Variants in CLEC16A observed in about 807,000 individuals in gnomAD.
CLEC16A encodes protein CLEC16A.
Under a neutral mutation model 109.5 loss-of-function variants are expected in CLEC16A, and 51 were observed. The observed-to-expected ratio is 0.47, with a 90% CI of 0.37 to 0.59. CLEC16A has a LOEUF of 0.59. Ranked by LOEUF, CLEC16A falls within the 20% of genes least tolerant of loss-of-function variation. The probability of loss-of-function intolerance (pLI) is 0.00; values close to 1 mark genes in which losing one functional copy is unlikely to be tolerated. For synonymous variants in CLEC16A, 673 were observed against 564.2 expected, an observed-to-expected ratio of 1.19 and a Z score of -2.73; for missense variants, 1,339 against 1,394.0, an observed-to-expected ratio of 0.96 and a Z score of 0.63.
At chr16:11,071,762 T>TTG (rs2049086733) in intron 19 of CLEC16A, among the ~76,000 whole-genome samples, 3 of 146,992 alleles carry the variant, frequency 2.0e-5, no homozygotes, top group African/African-American at 7.6e-5. Context: ...GATTTTTTTT[T>TTG]TTTTTTTTTT....
intron 8 of CLEC16A, 98 bp downstream of exon 8, chr16:10,977,497 G>A (rs2043085686): frequency 3.6e-6 from 4 of 1,109,270 alleles, no homozygotes; most frequent in Non-Finnish European, 5.1e-6. Context: ...TTGCAAATCA[G>A]GACTGAGGTT....
At chr16:11,035,471 G>A (rs1165473180) in intron 13 of CLEC16A, among the ~76,000 whole-genome samples, 1 of 152,220 alleles carries the variant, frequency 6.6e-6, no homozygotes, top group Admixed American at 6.5e-5. Flanking sequence ...GAGGGAAAGA[G>A]CGTTAACCAG....
At chr16:11,010,875 CT>C (rs1457036863) in intron 11 of CLEC16A, among the ~76,000 whole-genome samples, 4 of 152,138 alleles carry the variant, frequency 2.6e-5, no homozygotes, top group African/African-American at 9.7e-5. Context: ...GAACCTCCTC[CT>C]TTTTTTGTTC....
At chr16:11,078,908 A>G (rs2049543607) in intron 19 of CLEC16A, among the ~76,000 whole-genome samples, 1 of 152,180 alleles carries the variant, frequency 6.6e-6, no homozygotes, top group Non-Finnish European at 1.5e-5. Flanking sequence ...ACTTTCCTGC[A>G]TCCGTGTAGT....
chr16:10,991,982 G>A (rs2044044819), intron 10 of CLEC16A, among the ~76,000 whole-genome samples: 1 of 152,210 alleles, frequency 6.6e-6, no homozygotes, highest in Admixed American at 6.5e-5. Context: ...ATGAGTGGGA[G>A]TTTCCCTAGA....
chr16:10,978,416 C>T (rs2043137100), intron 8 of CLEC16A, among the ~76,000 whole-genome samples: 1 of 152,196 alleles, frequency 6.6e-6, no homozygotes. Flanking sequence ...TCAAGATTCT[C>T]ACTACAGATG....
At chr16:11,137,064 C>T (rs1008167621) in intron 22 of CLEC16A, among the ~76,000 whole-genome samples, 2 of 152,184 alleles carry the variant, frequency 1.3e-5, no homozygotes, top group Non-Finnish European at 2.9e-5. Flanking sequence ...TATTCTACTC[C>T]ATCGTGTGAA....
chr16:10,992,184 C>T (rs763092692), intron 10 of CLEC16A, among the ~76,000 whole-genome samples: 6 of 152,174 alleles, frequency 3.9e-5, no homozygotes, highest in Non-Finnish European at 5.9e-5. Context: ...TAACCACAGT[C>T]ACCCTTCTGT....
rs147304058 is a variant in CLEC16A, at chr16:11,125,849, G to A, written c.2474-130G>A. Reference sequence around the variant, plus strand: ...TCTCTGCAGCTTGAGGCTGCCTGCCGCCCACTTGGCGTCTCCCAAGTGATG... The same window carrying A: ...TCTCTGCAGCTTGAGGCTGCCTGCCACCCACTTGGCGTCTCCCAAGTGATG... On this transcript the variant is annotated intron_variant, in intron 21 of 23. Coordinates refer to ENST00000409790, the MANE Select transcript of CLEC16A (RefSeq NM_015226.3). 755 of 854,138 alleles carry A rather than the reference G, an allele frequency of 8.8e-4. 6 individuals carry two copies. In the East Asian group the frequency reaches 0.017, roughly 19 times the overall value. 52.9% of individuals were successfully genotyped at this position (854,138 alleles called of 1,614,324 possible).
intron 9 of CLEC16A, among the ~76,000 whole-genome samples, chr16:10,979,720 T>G (rs2043215067): frequency 6.6e-6 from 1 of 152,200 alleles, no homozygotes; most frequent in East Asian, 1.9e-4. Context: ...CTTTTACTCC[T>G]GCAGCTTTGA....
At chr16:10,948,789 T>A (rs932892701) in intron 1 of CLEC16A, among the ~76,000 whole-genome samples, 2 of 152,192 alleles carry the variant, frequency 1.3e-5, no homozygotes, top group African/African-American at 4.8e-5. Context: ...GAAATCGGCC[T>A]TTTTCCACCT....
At position 11,044,052 on chromosome 16, in the gene CLEC16A, C is replaced by G. The variant is rs1256109096; in HGVS notation, c.1795C>G (p.Leu599Val). The change falls in exon 16 of 24, where the codon CTT (leucine) becomes GTT (valine). Residue 599 changes from leucine to valine, a missense_variant. By Grantham distance (32) the Leu-to-Val change is conservative (BLOSUM62 1). Transcript: ENST00000409790. The stretch of plus-strand genomic sequence containing the variant: ...GGGTGCGAGAGAAGAAAGTGTTCAC[C>G]TTGTACGACATTTTTATAAGGTAAT... The part of the protein sequence containing the change: ...LEGAREESVH[L>V]VRHFYKGEDI... The G allele has an allele frequency of 1.2e-6, 2 of 1,609,114 alleles. No individual in the cohort carries two copies. Among genetic ancestry groups the G allele is most frequent in the Non-Finnish European group, 1.7e-6 (2 of 1,177,058 alleles).
chr16:11,092,824 A>G (rs1017033307), intron 19 of CLEC16A, among the ~76,000 whole-genome samples: 1 of 152,336 alleles, frequency 6.6e-6, no homozygotes. Context: ...TTCCTCTTCT[A>G]TAAAACACGG....
chr16:11,098,364 T>C (rs1422844678), intron 19 of CLEC16A, among the ~76,000 whole-genome samples: 1 of 152,224 alleles, frequency 6.6e-6, no homozygotes, highest in Non-Finnish European at 1.5e-5. Flanking sequence ...GGGGACCAAG[T>C]GGCAGGTAGC....
Position 10,957,861 on chromosome 16 carries a change from A to G in CLEC16A, c.160A>G (p.Ile54Val). The G allele has an allele frequency of 6.2e-7, 1 of 1,613,942 alleles. No homozygotes were observed. Among genetic ancestry groups the G allele is most frequent in the Non-Finnish European group, 8.5e-7 (1 of 1,179,832 alleles). Residue 54 changes from isoleucine to valine, a missense_variant, in exon 2 of 24, where the codon ATC (isoleucine) becomes GTC (valine). Coordinates refer to ENST00000409790, the MANE Select transcript of CLEC16A (RefSeq NM_015226.3). Reference protein sequence around the residue: ...RNLLVETIRSITEILIWGDQN... With the variant: ...RNLLVETIRSVTEILIWGDQN... ...CCTGCTAGTGGAGACCATCCGTTCC[A>G]TCACTGAGATCCTGATCTGGGGAGA...
intron 9 of CLEC16A, 62 bp from the exon 10 acceptor site, chr16:10,982,816 A>G: frequency 4.2e-6 from 4 of 957,534 alleles, no homozygotes; most frequent in Non-Finnish European, 6.7e-6. Context: ...CTGATCCAGG[A>G]AGCAAGAGGT....
At chr16:11,001,729 C>T (rs114777009) in intron 10 of CLEC16A, among the ~76,000 whole-genome samples, 1,933 of 152,240 alleles carry the variant, frequency 0.013, 43 homozygotes, top group African/African-American at 0.044. Flanking sequence ...AAGCCTTGAC[C>T]TCCCAGCCTC....
chr16:11,067,735 A>G lies in CLEC16A; in HGVS notation c.2116+6713A>G, dbSNP rs1218019433. Among the ~76,000 whole-genome samples the G allele has an allele frequency of 2.0e-5, 3 of 152,140 alleles. No individual in the cohort carries two copies. In the East Asian group the frequency reaches 5.8e-4, roughly 29 times the overall value. On this transcript the variant is annotated intron_variant, in intron 19 of 23. Transcript: ENST00000409790. ...CATTACAGCAGGGAGCCCCATGGGG[A>G]GGCCAGGCCTACAAGGCATGAACTA...
intron 19 of CLEC16A, among the ~76,000 whole-genome samples, chr16:11,067,727 C>A (rs1241179986): frequency 2.0e-5 from 3 of 152,126 alleles, no homozygotes; most frequent in Non-Finnish European, 2.9e-5. Context: ...GCAGGGAGCC[C>A]CATGGGGAGG....
Sources: allele counts gnomAD v4.1 joint callset (sites outside exome capture counted in the v4.1 genomes callset), GRCh38; gene constraint gnomAD v4.1.1; transcripts MANE v1.5; gene names NCBI Gene and HGNC (gene_info 2026-07-23, HGNC 2026-07-21).